Variants in PTPRD observed in about 807,000 individuals in gnomAD.
The protein encoded by PTPRD is receptor-type tyrosine-protein phosphatase delta.
In PTPRD, 34 loss-of-function variants were observed where a neutral mutation model predicts 214.5. The ratio of observed to expected loss-of-function variants is 0.16; its 90% confidence interval spans 0.12 to 0.21. The LOEUF (loss-of-function observed/expected upper bound fraction) is 0.21, where lower values mean the gene tolerates loss of function less well. Ranked by LOEUF, PTPRD falls within the 10% of genes least tolerant of loss-of-function variation. The pLI, the probability that PTPRD is intolerant of heterozygous loss-of-function variation, is 1.00. For synonymous variants in PTPRD, 1,128 were observed against 845.7 expected (o/e 1.33, Z -5.79); for missense variants, 2,545 against 2,398.7 (o/e 1.06, Z -1.27).
Position 9,456,349 on chromosome 9 carries a change from T to C in PTPRD, c.-236-58867A>G, listed in dbSNP as rs182055639. 2.8e-3 allele frequency among the ~76,000 whole-genome samples: 427 copies of C among 151,916 alleles called. 4 individuals are homozygous for C. The highest frequency in any genetic ancestry group is 9.9e-3 in the African/African-American group (412 of 41,520). The stretch of plus-strand genomic sequence containing the variant: ...GGTATTGATTAGGAATAAAAAAATA[T>C]AGATCAGATAAACCGTACAGATTGC... On this transcript the variant is annotated intron_variant, in intron 8 of 45. Transcript: ENST00000381196.
intron 2 of PTPRD, among the ~76,000 whole-genome samples, chr9:10,482,511 T>TA (rs71332745): frequency 0.91 from 137,683 of 151,778 alleles, 62,603 homozygotes; most frequent in East Asian, 1. Context: ...TATGATCTTA[T>TA]CTTAGAAAAC....
At chr9:9,848,254 T>G (rs1184872499) in intron 5 of PTPRD, among the ~76,000 whole-genome samples, 1 of 152,172 alleles carries the variant, frequency 6.6e-6, no homozygotes, top group Non-Finnish European at 1.5e-5. Flanking sequence ...GTACTGCTTC[T>G]GTTATGTTCA....
At chr9:10,202,685 T>G (rs925629289) in intron 3 of PTPRD, among the ~76,000 whole-genome samples, 21 of 144,062 alleles carry the variant, frequency 1.5e-4, no homozygotes, top group African/African-American at 5.4e-4. Flanking sequence ...TATATATATA[T>G]ATATATATAT....
chr9:9,707,906 C>T (rs903401736), intron 7 of PTPRD, among the ~76,000 whole-genome samples: 1 of 151,922 alleles, frequency 6.6e-6, no homozygotes, highest in African/African-American at 2.4e-5. Flanking sequence ...ATTATTTTCT[C>T]TCTTTCATTG....
intron 12 of PTPRD, among the ~76,000 whole-genome samples, chr9:8,681,174 A>G (rs2097542419): frequency 6.6e-6 from 1 of 152,160 alleles, no homozygotes; most frequent in Admixed American, 6.6e-5. Context: ...TTCCCTGATC[A>G]ATCATCCATA....
At chr9:9,787,420 TAA>T (rs34947415) in intron 5 of PTPRD, among the ~76,000 whole-genome samples, 13,201 of 131,320 alleles carry the variant, frequency 0.1, 707 homozygotes, top group South Asian at 0.24. Flanking sequence ...GTCAACTATG[TAA>T]AAAAAAAAAA....
intron 10 of PTPRD, among the ~76,000 whole-genome samples, chr9:9,171,562 G>C (rs1257240565): frequency 6.6e-6 from 1 of 151,914 alleles, no homozygotes; most frequent in Admixed American, 6.6e-5. Context: ...GGAAAGTTTG[G>C]AGGAAACAAT....
chr9:9,911,950 A>C (rs1052775483), intron 5 of PTPRD, among the ~76,000 whole-genome samples: 2 of 152,096 alleles, frequency 1.3e-5, no homozygotes, highest in Non-Finnish European at 2.9e-5. Flanking sequence ...GAACCAGCTT[A>C]TACTACCATA....
intron 8 of PTPRD, among the ~76,000 whole-genome samples, chr9:9,491,912 T>C (rs1030297722): frequency 2.0e-5 from 3 of 151,820 alleles, no homozygotes; most frequent in African/African-American, 7.3e-5. Context: ...ATCAATGAAA[T>C]AGATAATAGA....
chr9:9,556,879 A>G (rs2081644791), intron 8 of PTPRD, among the ~76,000 whole-genome samples: 1 of 152,160 alleles, frequency 6.6e-6, no homozygotes, highest in Non-Finnish European at 1.5e-5. Context: ...AAAGGATTAG[A>G]AACCTGTATT....
intron 14 of PTPRD, among the ~76,000 whole-genome samples, chr9:8,555,307 T>C (rs1346650486): frequency 2.0e-5 from 3 of 152,026 alleles, no homozygotes; most frequent in Non-Finnish European, 2.9e-5. Flanking sequence ...CTCAGGAGAC[T>C]GAGGTGGGAG....
intron 12 of PTPRD, among the ~76,000 whole-genome samples, chr9:8,662,526 A>G (rs560542029): frequency 6.6e-5 from 10 of 152,258 alleles, no homozygotes; most frequent in Admixed American, 6.5e-4. Flanking sequence ...ACAACTCTTC[A>G]GGGCTCTGAT....
At chr9:10,523,628 GAAAGA>G (rs2053243655) in intron 2 of PTPRD, among the ~76,000 whole-genome samples, 1 of 23,324 alleles carries the variant, frequency 4.3e-5, no homozygotes, top group Non-Finnish European at 1.4e-4. Context: ...TATATAGACA[GAAAGA>G]AAGGGAGAGA....
At chr9:8,785,040 G>C (rs907550566) in intron 11 of PTPRD, among the ~76,000 whole-genome samples, 2 of 152,014 alleles carry the variant, frequency 1.3e-5, no homozygotes, top group Admixed American at 1.3e-4. Context: ...TGCCTTCTGA[G>C]ACTAATAAAA....
At chr9:8,753,873 G>C (rs1041631394) in intron 11 of PTPRD, among the ~76,000 whole-genome samples, 1 of 152,180 alleles carries the variant, frequency 6.6e-6, no homozygotes, top group Non-Finnish European at 1.5e-5. Context: ...GGCCAGGCAT[G>C]GTGGCTCACG....
At chr9:8,468,250 A>C (rs1220159614) in intron 31 of PTPRD, among the ~76,000 whole-genome samples, 2 of 152,006 alleles carry the variant, frequency 1.3e-5, no homozygotes, top group Non-Finnish European at 2.9e-5. Flanking sequence ...GTTACACGTT[A>C]AATGGTTCAA....
In PTPRD at chr9:9,489,501, G is replaced by C. The variant is rs181210556; in HGVS notation, c.-237+85231C>G. On this transcript the variant is annotated intron_variant, in intron 8 of 45. Transcript: ENST00000381196. The stretch of plus-strand genomic sequence containing the variant: ...CTTAAACATACTCAGAGAAGTAAAA[G>C]AAGATGGGGAGAAAGTCAAGAAAAC... 5.6e-4 allele frequency among the ~76,000 whole-genome samples: 86 copies of C among 152,224 alleles called. No individual in the cohort carries two copies. In the East Asian group the frequency reaches 9.9e-3, roughly 17 times the overall value.
intron 2 of PTPRD, among the ~76,000 whole-genome samples, chr9:10,356,618 C>A (rs1053360245): frequency 6.6e-6 from 1 of 152,036 alleles, no homozygotes; most frequent in Non-Finnish European, 1.5e-5. Context: ...CTTATTTTTT[C>A]CTAAATTGTG....
chr9:9,824,504 T>C (rs2051982023), intron 5 of PTPRD, among the ~76,000 whole-genome samples: 1 of 152,002 alleles, frequency 6.6e-6, no homozygotes, highest in Non-Finnish European at 1.5e-5. Context: ...TAATAAAATA[T>C]ATAAAGTTTT....
Sources: allele counts gnomAD v4.1 joint callset (sites outside exome capture counted in the v4.1 genomes callset), GRCh38; gene constraint gnomAD v4.1.1; transcripts MANE v1.5; gene names NCBI Gene and HGNC (gene_info 2026-07-23, HGNC 2026-07-21).